Variants in PCCB observed in about 807,000 individuals in gnomAD.
PCCB encodes the protein propionyl-CoA carboxylase subunit beta.
PCCB carries 43 observed loss-of-function variants against 60.7 expected under a neutral mutation model. The observed-to-expected ratio is 0.71, with a 90% CI of 0.55 to 0.91. PCCB has a LOEUF of 0.91. PCCB is among the 40% of genes least tolerant of loss of function. The pLI, the probability that PCCB is intolerant of heterozygous loss-of-function variation, is 0.00. For synonymous variants in PCCB, 276 were observed against 255.9 expected, an observed-to-expected ratio of 1.08 and a Z score of -0.75; for missense variants, 766 against 702.8, an observed-to-expected ratio of 1.09 and a Z score of -1.02.
intron 5 of PCCB, among the ~76,000 whole-genome samples, chr3:136,265,287 G>A (rs1215071641): frequency 6.6e-6 from 1 of 152,150 alleles, no homozygotes; most frequent in African/African-American, 2.4e-5. Context: ...TTAATTTTTA[G>A]AGTTGTACAG....
At chr3:136,308,744 A>T (rs1323696100) in intron 9 of PCCB, among the ~76,000 whole-genome samples, 1 of 152,218 alleles carries the variant, frequency 6.6e-6, no homozygotes, top group African/African-American at 2.4e-5. Context: ...GTGAAACAAC[A>T]TTGCTTAAAA....
At chr3:136,280,610 A>C (rs1942450645) in intron 5 of PCCB, among the ~76,000 whole-genome samples, 1 of 152,152 alleles carries the variant, frequency 6.6e-6, no homozygotes, top group Non-Finnish European at 1.5e-5. Context: ...TCTCCCAAAG[A>C]GCTGCAATTA....
At chr3:136,293,951 A>G (rs1269527470) in intron 7 of PCCB, 87 bp downstream of exon 7, 6 of 803,272 alleles carry the variant, frequency 7.5e-6, no homozygotes, top group African/African-American at 1.7e-5. Flanking sequence ...TTTAAGAAAT[A>G]TTACTTAATT....
At chr3:136,256,343 A>G in intron 2 of PCCB, 1 of 606,910 alleles carries the variant, frequency 1.6e-6, no homozygotes, top group Non-Finnish European at 2.9e-6. Context: ...GCCTAAGATG[A>G]CAGTGCCATT....
chr3:136,253,079 G>C (rs1480860421), intron 1 of PCCB, among the ~76,000 whole-genome samples: 3 of 125,552 alleles, frequency 2.4e-5, no homozygotes, highest in Admixed American at 9.2e-5. Flanking sequence ...CCAAGCAATG[G>C]AGGTTTTTTT....
chr3:136,264,448 G>GTATATATA (rs71157366), intron 5 of PCCB, among the ~76,000 whole-genome samples: 3 of 107,224 alleles, frequency 2.8e-5, no homozygotes, highest in Non-Finnish European at 6.9e-5. Flanking sequence ...GTGTATATAT[G>GTATATATA]TATATATATA....
At chr3:136,283,509 G>C (rs993947353) in intron 5 of PCCB, among the ~76,000 whole-genome samples, 2 of 151,976 alleles carry the variant, frequency 1.3e-5, no homozygotes, top group Non-Finnish European at 2.9e-5. Context: ...GCACAGATGG[G>C]GGGCTTTGCA....
chr3:136,287,032 G>GA (rs767656015), intron 6 of PCCB, among the ~76,000 whole-genome samples: 113 of 132,786 alleles, frequency 8.5e-4, no homozygotes, highest in Middle Eastern at 3.7e-3. Flanking sequence ...CTCTGTCTCG[G>GA]AAAAAAAAAA....
At chr3:136,326,780 A>G (rs1935326660) in intron 10 of PCCB, 23 bp from the exon 11 acceptor site, 2 of 1,452,194 alleles carry the variant, frequency 1.4e-6, no homozygotes, top group Non-Finnish European at 1.9e-6. Flanking sequence ...GATACTCAGT[A>G]TGGATAATCT....
chr3:136,253,150 C>T lies in PCCB; in HGVS notation c.183+2592C>T, dbSNP rs559558410. On this transcript the variant is annotated intron_variant, in intron 1 of 14. Transcript: ENST00000251654. Reference sequence around the variant, plus strand: ...TGTCACCCAGGCTGGAGTGCAGTGGCGCGGTCTTGGCTCACTGCAAGCTCC... The same window carrying T: ...TGTCACCCAGGCTGGAGTGCAGTGGTGCGGTCTTGGCTCACTGCAAGCTCC... 4.7e-5 allele frequency among the ~76,000 whole-genome samples: 6 copies of T among 127,046 alleles called. No homozygotes were observed. The South Asian group carries it at 1.6e-3, about 34-fold the overall frequency. The allele number at this position is 127,046 out of a possible 152,430, so 83.3% of individuals were successfully genotyped here.
At position 136,255,647 on chromosome 3, in the gene PCCB, C is replaced by T. The variant is rs1186885384; in HGVS notation, c.184-209C>T. On this transcript the variant is annotated intron_variant, in intron 1 of 14. Transcript: ENST00000251654. Reference sequence around the variant, plus strand: ...TTATTCATCTTCCACAGTTGGGTGGCTTCTGGCGCACACTGTCTGTCCTGA... The same window carrying T: ...TTATTCATCTTCCACAGTTGGGTGGTTTCTGGCGCACACTGTCTGTCCTGA... The T allele has an allele frequency of 1.2e-5, 7 of 592,390 alleles. No individual in the cohort carries two copies. In the African/African-American group the frequency reaches 1.3e-4, roughly 11 times the overall value. The allele number at this position is 592,390 out of a possible 1,614,324, so 36.7% of individuals were successfully genotyped here. A position where few individuals can be genotyped will look rare whatever the true frequency, so the allele number is the denominator to read the frequency against.
intron 9 of PCCB, among the ~76,000 whole-genome samples, chr3:136,316,423 T>C (rs1934897229): frequency 6.6e-6 from 1 of 152,076 alleles, no homozygotes; most frequent in African/African-American, 2.4e-5. Flanking sequence ...TAAGCGATTC[T>C]CCTGCCTCAG....
chr3:136,326,245 G>T, intron 10 of PCCB: 1 of 682,582 alleles, frequency 1.5e-6, no homozygotes, highest in South Asian at 1.6e-5. Context: ...GGTAATACTG[G>T]TCTCATAGAA....
chr3:136,292,560 G>T (rs978260116), intron 6 of PCCB, among the ~76,000 whole-genome samples: 8 of 152,252 alleles, frequency 5.3e-5, no homozygotes, highest in Middle Eastern at 3.4e-3. Flanking sequence ...TGAAAGTTAT[G>T]ATACAAATCC....
At chr3:136,260,158 C>CT (rs1941781185) in intron 3 of PCCB, 1 of 429,988 alleles carries the variant, frequency 2.3e-6, no homozygotes, top group African/African-American at 2.0e-5. Flanking sequence ...ACTGAAGCCT[C>CT]TGTCTCCAGG....
chr3:136,286,469 C>G (rs1435458044), intron 6 of PCCB, among the ~76,000 whole-genome samples: 1 of 152,176 alleles, frequency 6.6e-6, no homozygotes, highest in East Asian at 1.9e-4. Flanking sequence ...CAAGCTTCTC[C>G]TGCATTGCTC....
At chr3:136,302,173 C>A (rs1429227801) in intron 9 of PCCB, among the ~76,000 whole-genome samples, 2 of 66,834 alleles carry the variant, frequency 3.0e-5, no homozygotes, top group Non-Finnish European at 4.3e-5. Context: ...CACCCCGGCT[C>A]CTGCAAGCTG....
At chr3:136,268,101 T>TATATATAG (rs1942075448) in intron 5 of PCCB, among the ~76,000 whole-genome samples, 2 of 122,286 alleles carry the variant, frequency 1.6e-5, no homozygotes, top group African/African-American at 7.1e-5. Context: ...TATATATATA[T>TATATATAG]ATATATATAT....
At position 136,330,116 on chromosome 3, in the gene PCCB, T is replaced by C; in HGVS notation, c.*90T>C. On this transcript the variant is annotated 3_prime_UTR_variant, in exon 15 of 15. Coordinates refer to ENST00000251654, the MANE Select transcript of PCCB (RefSeq NM_000532.5). ...CTTTTGCAATCATGAAACCTGGGAA[T>C]CCAAATAGTTGGATAACTTAGAATA... 1.2e-6 allele frequency: 2 copies of C among 1,603,818 alleles called. No individual in the cohort carries two copies. The highest frequency in any genetic ancestry group is 1.7e-6 in the Non-Finnish European group (2 of 1,173,670).
Sources: allele counts gnomAD v4.1 joint callset (sites outside exome capture counted in the v4.1 genomes callset), GRCh38; gene constraint gnomAD v4.1.1; transcripts MANE v1.5; gene names NCBI Gene and HGNC (gene_info 2026-07-23, HGNC 2026-07-21).